The following PCSK9 variants were observed in gnomAD, a reference collection of about 807,000 sequenced individuals.
The protein encoded by PCSK9 is proprotein convertase subtilisin/kexin type 9.
In PCSK9, 57 loss-of-function variants were observed where a neutral mutation model predicts 62.1. The ratio of observed to expected loss-of-function variants is 0.92; its 90% CI spans 0.74 to 1.14. PCSK9 has a LOEUF of 1.14. PCSK9 is among the 50% of genes most tolerant of loss of function. The pLI, the probability that PCSK9 is intolerant of heterozygous loss-of-function variation, is 0.00. For synonymous variants in PCSK9, 387 were observed against 409.4 expected (o/e 0.95, Z 0.66); for missense variants, 870 against 959.8 (o/e 0.91, Z 1.24).
chr1:55,044,044 C>A lies in PCSK9; in HGVS notation c.399+10C>A. ...CGACCTGCTGGAGCTGGTGAGCCAC[C>A]CTTTTTGGGAATGGCACTTCCTGAT... On this transcript the variant is annotated intron_variant, in intron 2 of 11. Transcript: ENST00000302118. 1 of 1,614,004 alleles carries A rather than the reference C, an allele frequency of 6.2e-7. No individual in the cohort carries two copies.
At chr1:55,046,764 C>G (rs1257152932) in intron 3 of PCSK9, 118 bp downstream of exon 3, 5 of 1,157,908 alleles carry the variant, frequency 4.3e-6, no homozygotes, top group Non-Finnish European at 4.9e-6. Context: ...GACTCAGCAC[C>G]TCCACTGACC....
chr1:55,054,570 G>C (rs1048585785), intron 5 of PCSK9, among the ~76,000 whole-genome samples: 9 of 152,282 alleles, frequency 5.9e-5, no homozygotes, highest in African/African-American at 2.2e-4. Flanking sequence ...TTAGAGGCCA[G>C]GATCCAGAAG....
At chr1:55,052,049 C>A (rs778117521) in intron 3 of PCSK9, 2 of 605,620 alleles carry the variant, frequency 3.3e-6, no homozygotes, top group Non-Finnish European at 2.9e-6. Flanking sequence ...GCATTGCCAG[C>A]TGATGGCCTT....
Position 55,051,065 on chromosome 1 carries a change from A to G in PCSK9, c.524-1213A>G, listed in dbSNP as rs140911969. 1,246 of 441,968 alleles carry G rather than the reference A, an allele frequency of 2.8e-3. 20 individuals are homozygous for G. Among genetic ancestry groups the G allele is most frequent in the East Asian group, 0.027 (373 of 14,066 alleles). The allele number at this position is 441,968 out of a possible 1,614,324, so 27.4% of individuals were successfully genotyped here. A position where few individuals can be genotyped will look rare whatever the true frequency, so the allele number is the denominator to read the frequency against. ...CACCAGAAGCCGGAAGACGTGAGGC[A>G]GGGTTCTTCCCAGAGCCTTCGCTGC... is the stretch of plus-strand genomic sequence containing the variant. On this transcript the variant is annotated intron_variant, in intron 3 of 11. Coordinates refer to ENST00000302118, the MANE Select transcript of PCSK9 (RefSeq NM_174936.4).
chr1:55,060,448 G>T (rs958606216), intron 10 of PCSK9, among the ~76,000 whole-genome samples: 2 of 152,194 alleles, frequency 1.3e-5, no homozygotes, highest in African/African-American at 2.4e-5. Context: ...GAGAGTGAGG[G>T]TGAGAACCTG....
At chr1:55,057,743 C>T (rs1245940929) in intron 7 of PCSK9, among the ~76,000 whole-genome samples, 1 of 152,128 alleles carries the variant, frequency 6.6e-6, no homozygotes, top group East Asian at 1.9e-4. Flanking sequence ...CTGCCCAGCC[C>T]GAGGGTCAGA....
At chr1:55,061,222 GT>G (rs1644756308) in intron 10 of PCSK9, among the ~76,000 whole-genome samples, 152 bp from the exon 11 acceptor site, 1 of 152,226 alleles carries the variant, frequency 6.6e-6, no homozygotes, top group Non-Finnish European at 1.5e-5. Context: ...AGGAGTCCTG[GT>G]GCTCAGGCCA....
Position 55,052,363 on chromosome 1 carries a change from C to T in PCSK9, c.609C>T (p.Thr203=), listed in dbSNP as rs200856421. The change falls in exon 4 of 12, where the codon ACC becomes ACT. Residue 203 remains threonine, a synonymous_variant. Coordinates refer to ENST00000302118, the MANE Select transcript of PCSK9 (RefSeq NM_174936.4). ...HREIEGRVMV[T]DFENVPEEDG... ...AAATCGAGGGCAGGGTCATGGTCAC[C>T]GACTTCGAGAATGTGCCCGAGGAGG... 151 of 1,613,818 alleles carry T rather than the reference C, an allele frequency of 9.4e-5. No homozygotes were observed. In the Middle Eastern group the frequency reaches 2.6e-3, roughly 28 times the overall value.
In PCSK9 at chr1:55,064,848, C is replaced by A. The variant is rs145373574; in HGVS notation, c.*1264C>A. The A allele has an allele frequency of 2.0e-5, 3 of 152,268 alleles. No individual in the cohort carries two copies. Among genetic ancestry groups the A allele is most frequent in the Admixed American group, 2.0e-4 (3 of 15,302 alleles). The allele number at this position is 152,268 out of a possible 1,614,324, so 9.4% of individuals were successfully genotyped here. ...TAAAATAAAAACAAACAAACGTTGT[C>A]CTAACTCTTGCATAGACTTGACTGC... On this transcript the variant is annotated 3_prime_UTR_variant, in exon 12 of 12. Coordinates refer to ENST00000302118, the MANE Select transcript of PCSK9 (RefSeq NM_174936.4).
In PCSK9 at chr1:55,058,077, C is replaced by A. The variant is rs1291652605; in HGVS notation, c.1222C>A (p.Leu408Met). 6.2e-7 allele frequency: 1 copy of A among 1,613,702 alleles called. No individual in the cohort carries two copies. Among genetic ancestry groups the A allele is most frequent in the Non-Finnish European group, 8.5e-7 (1 of 1,180,046 alleles). ...MMLSAEPELT[L>M]AELRQRLIHF... ...GCTGTCTGCCGAGCCGGAGCTCACC[C>A]TGGCCGAGTTGAGGCAGAGACTGAT... is the stretch of plus-strand genomic sequence containing the variant. The change falls in exon 8 of 12, where the codon CTG becomes ATG. Residue 408 changes from leucine to methionine, a missense_variant. By Grantham distance (15) the Leu-to-Met change is conservative (BLOSUM62 2). Transcript: ENST00000302118.
At chr1:55,058,313 C>T in intron 8 of PCSK9, 104 bp downstream of exon 8, 1 of 1,484,096 alleles carries the variant, frequency 6.7e-7, no homozygotes, top group Non-Finnish European at 9.2e-7. Flanking sequence ...GAGGATGACG[C>T]CACCTTAAAT....
Position 55,058,486 on chromosome 1 carries a change from GC to G in PCSK9, c.1355-10del. 6.2e-7 allele frequency: 1 copy of G among 1,612,138 alleles called. No individual in the cohort carries two copies. The highest frequency in any genetic ancestry group is 8.5e-7 in the Non-Finnish European group (1 of 1,180,008). On this transcript the variant is annotated splice_polypyrimidine_tract_variant and intron_variant, in intron 8 of 11. Coordinates refer to ENST00000302118, the MANE Select transcript of PCSK9 (RefSeq NM_174936.4). ...TCCCAGCACCCCCTCCTCATCCCAG[GC>G]CCTTTTTGCAGGTTGGCAGCTGTTT...
In PCSK9 at chr1:55,039,751, C is replaced by A; in HGVS notation, c.-87C>A. On this transcript the variant is annotated 5_prime_UTR_variant, in exon 1 of 12. Transcript: ENST00000302118. ...ACTTCAGCTCCTGCACAGTCCTCCC[C>A]ACCGCAAGGCTCAAGGCGCCGCCGG... 6.8e-7 allele frequency: 1 copy of A among 1,465,262 alleles called. No homozygotes were observed. Among genetic ancestry groups the A allele is most frequent in the Non-Finnish European group, 9.4e-7 (1 of 1,069,014 alleles). 90.8% of individuals were successfully genotyped at this position (1,465,262 alleles called of 1,614,324 possible). A position where few individuals can be genotyped will look rare whatever the true frequency, so the allele number is the denominator to read the frequency against.
At chr1:55,057,087 T>A (rs780021719) in intron 6 of PCSK9, among the ~76,000 whole-genome samples, 3 of 152,088 alleles carry the variant, frequency 2.0e-5, no homozygotes, top group Non-Finnish European at 4.4e-5. Flanking sequence ...CCCACTAGGA[T>A]GTAAACTCCA....
chr1:55,055,040 C>T (rs994134011), intron 5 of PCSK9, among the ~76,000 whole-genome samples: 1 of 150,550 alleles, frequency 6.6e-6, no homozygotes, highest in Non-Finnish European at 1.5e-5. Context: ...TTACTGTTGA[C>T]AGTAGCATGA....
At chr1:55,061,108 T>A (rs1644755664) in intron 10 of PCSK9, among the ~76,000 whole-genome samples, 1 of 152,114 alleles carries the variant, frequency 6.6e-6, no homozygotes. Context: ...ACTGTCTCCA[T>A]CTCTGGGTGG....
At position 55,056,938 on chromosome 1, in the gene PCSK9, CCT is replaced by C. The variant is rs1491037703; in HGVS notation, c.997-392_997-391del. Among the ~76,000 whole-genome samples the C allele has an allele frequency of 2.5e-4, 11 of 43,222 alleles. No homozygotes were observed. In the Admixed American group the frequency reaches 2.9e-3, roughly 12 times the overall value. The allele number at this position is 43,222 out of a possible 152,430, so 28.4% of individuals were successfully genotyped here. ...CCTGACAGCGGTAACCTAGGTCCCC[CCT>C]GGCCTATCAAGGCTTCCCTGGCGGC... On this transcript the variant is annotated intron_variant, in intron 6 of 11. Transcript: ENST00000302118.
chr1:55,060,294 G>C (rs1430234592), intron 10 of PCSK9, among the ~76,000 whole-genome samples: 1 of 152,234 alleles, frequency 6.6e-6, no homozygotes, highest in Non-Finnish European at 1.5e-5. Flanking sequence ...GGCATCAAGG[G>C]ATGGTGCCCT....
At position 55,056,237 on chromosome 1, in the gene PCSK9, C is replaced by CGGAG. The variant is rs1408983975; in HGVS notation, c.996+51_996+54dup. The CGGAG allele has an allele frequency of 1.4e-4, 8 of 56,392 alleles. 2 individuals carry two copies. The highest frequency in any genetic ancestry group is 2.1e-4 in the Non-Finnish European group (8 of 38,054). 3.5% of individuals were successfully genotyped at this position (56,392 alleles called of 1,614,324 possible). ...CAAGGCGCGGGTAGGGGGCGGAGGG[C>CGGAG]GGAGGGCGGAGGGAGGGCGGGCGGG... On this transcript the variant is annotated intron_variant, in intron 6 of 11. Transcript: ENST00000302118.
Sources: allele counts gnomAD v4.1 joint callset (sites outside exome capture counted in the v4.1 genomes callset), GRCh38; gene constraint gnomAD v4.1.1; transcripts MANE v1.5; gene names NCBI Gene and HGNC (gene_info 2026-07-23, HGNC 2026-07-21).